Variants in KIFAP3 observed in about 807,000 individuals in gnomAD.
KIFAP3 encodes kinesin-associated protein 3.
A neutral mutation model predicts 106.5 loss-of-function variants in KIFAP3; 68 were observed. The observed-to-expected ratio is 0.64, with a 90% confidence interval of 0.53 to 0.78. The LOEUF is 0.78. Ranked by LOEUF, KIFAP3 falls within the 30% of genes least tolerant of loss-of-function variation. The pLI is 0.00. For synonymous variants in KIFAP3, 320 were observed against 311.5 expected, an observed-to-expected ratio of 1.03 and a Z score of -0.29; for missense variants, 780 against 941.8, an observed-to-expected ratio of 0.83 and a Z score of 2.25.
At chr1:169,926,105 T>C (rs147269383) in intron 19 of KIFAP3, among the ~76,000 whole-genome samples, 190 of 152,344 alleles carry the variant, frequency 1.2e-3, no homozygotes, top group African/African-American at 4.4e-3. Flanking sequence ...TGACAGGGTC[T>C]ATCCAGCTCT....
intron 18 of KIFAP3, among the ~76,000 whole-genome samples, chr1:169,955,978 A>C (rs1664993803): frequency 6.6e-6 from 1 of 152,172 alleles, no homozygotes; most frequent in South Asian, 2.1e-4. Flanking sequence ...CCATATAAAA[A>C]CTTGTGATTT....
intron 17 of KIFAP3, among the ~76,000 whole-genome samples, chr1:169,970,628 T>C (rs952008796): frequency 1.3e-5 from 2 of 152,056 alleles, no homozygotes; most frequent in South Asian, 4.1e-4. Flanking sequence ...TATTATAGAA[T>C]ACAGTCATGC....
At chr1:169,993,390 G>A (rs1667200488) in intron 10 of KIFAP3, among the ~76,000 whole-genome samples, 5 of 151,612 alleles carry the variant, frequency 3.3e-5, no homozygotes, top group Admixed American at 2.6e-4. Context: ...GATTACAGGC[G>A]TGAGCCACCG....
At position 169,966,768 on chromosome 1, in the gene KIFAP3, A is replaced by G. The variant is rs190529243; in HGVS notation, c.1984-5533T>C. 1.8e-3 allele frequency among the ~76,000 whole-genome samples: 276 copies of G among 151,888 alleles called. 1 individual carries two copies. The highest frequency in any genetic ancestry group is 4.0e-3 in the Admixed American group (61 of 15,202). On this transcript the variant is annotated intron_variant, in intron 17 of 19. Transcript: ENST00000361580. ...TAAAAAATTTACAGGCTGAGTATGA[A>G]ATATTATTGAGATATTGGACTTGTG...
chr1:169,960,945 T>TAAAAA, intron 18 of KIFAP3, 101 bp downstream of exon 18: 1 of 803,764 alleles, frequency 1.2e-6, no homozygotes, highest in Non-Finnish European at 1.9e-6. Context: ...ATTCATAAAC[T>TAAAAA]AAAAGAAGTG....
intron 19 of KIFAP3, among the ~76,000 whole-genome samples, chr1:169,922,739 C>T (rs1056969343): frequency 2.4e-4 from 36 of 152,154 alleles, no homozygotes; most frequent in African/African-American, 8.7e-4. Context: ...CAATGGACAC[C>T]ATTTGTAATG....
chr1:169,945,294 C>T (rs113186750), intron 19 of KIFAP3, among the ~76,000 whole-genome samples: 2 of 152,166 alleles, frequency 1.3e-5, no homozygotes, highest in Admixed American at 6.5e-5. Flanking sequence ...CAGGCACTTC[C>T]GAACCTGCAG....
intron 16 of KIFAP3, among the ~76,000 whole-genome samples, chr1:169,974,981 G>A (rs1456442437): frequency 6.6e-6 from 1 of 151,960 alleles, no homozygotes; most frequent in African/African-American, 2.4e-5. Flanking sequence ...TATGGCCTAT[G>A]CTCATCCTCC....
At chr1:169,997,546 T>C (rs1280699363) in intron 10 of KIFAP3, among the ~76,000 whole-genome samples, 1 of 152,030 alleles carries the variant, frequency 6.6e-6, no homozygotes, top group East Asian at 1.9e-4. Flanking sequence ...GCCGAGCCAC[T>C]TACCTTTCTA....
chr1:169,931,029 C>T (rs1393224969), intron 19 of KIFAP3, among the ~76,000 whole-genome samples: 1 of 151,404 alleles, frequency 6.6e-6, no homozygotes, highest in Non-Finnish European at 1.5e-5. Flanking sequence ...AAGTGACTCT[C>T]CTGCCTTAGC....
At chr1:169,994,532 A>G (rs1210994722) in intron 10 of KIFAP3, among the ~76,000 whole-genome samples, 1 of 152,160 alleles carries the variant, frequency 6.6e-6, no homozygotes, top group Non-Finnish European at 1.5e-5. Context: ...ACTGCTTACA[A>G]TAGCAGTAAG....
chr1:170,021,171 T>G (rs17349726), intron 9 of KIFAP3, among the ~76,000 whole-genome samples: 25,130 of 152,108 alleles, frequency 0.17, 2,234 homozygotes, highest in Middle Eastern at 0.22. Flanking sequence ...TCCTCTCTGT[T>G]GTTCCTCTAA....
rs921003255 is a variant in KIFAP3 at position 170,055,207 on chromosome 1, C to T, written c.164+98G>A. 1.1e-5 allele frequency: 11 copies of T among 1,017,504 alleles called. No homozygotes were observed. In the African/African-American group the frequency reaches 1.8e-4, roughly 17 times the overall value. 63.0% of individuals were successfully genotyped at this position (1,017,504 alleles called of 1,614,324 possible). A position where few individuals can be genotyped will look rare whatever the true frequency, so the allele number is the denominator to read the frequency against. On this transcript the variant is annotated intron_variant, in intron 2 of 19. Transcript: ENST00000361580. ...AGATGAAGTATGCCTGGAAGAATGC[C>T]ATAATTAATCACCTATGCTGATCAA...
At chr1:170,041,124 T>C (rs914224138) in intron 3 of KIFAP3, among the ~76,000 whole-genome samples, 3 of 152,006 alleles carry the variant, frequency 2.0e-5, no homozygotes, top group Non-Finnish European at 4.4e-5. Flanking sequence ...CACCCAGCCC[T>C]TTTTGCTTGT....
intron 19 of KIFAP3, among the ~76,000 whole-genome samples, chr1:169,940,138 C>A (rs1011224334): frequency 6.6e-6 from 1 of 152,132 alleles, no homozygotes; most frequent in Non-Finnish European, 1.5e-5. Context: ...AAACTTCTTT[C>A]ATTGTAATAG....
chr1:170,070,557 A>C (rs377214293), intron 1 of KIFAP3, among the ~76,000 whole-genome samples: 2 of 152,234 alleles, frequency 1.3e-5, no homozygotes, highest in South Asian at 2.1e-4. Context: ...AAGAACAGTC[A>C]ATTGTTCTTT....
chr1:170,078,585 T>G (rs1671964858), upstream of KIFAP3, among the ~76,000 whole-genome samples: 1 of 152,178 alleles, frequency 6.6e-6, no homozygotes, highest in African/African-American at 2.4e-5. Context: ...GCAAATACCT[T>G]GAATGATATT....
intron 11 of KIFAP3, among the ~76,000 whole-genome samples, chr1:169,986,652 A>C (rs1666843103): frequency 6.6e-6 from 1 of 152,048 alleles, no homozygotes; most frequent in Admixed American, 6.6e-5. Context: ...TTAAATTACA[A>C]ATTACCAAAA....
intron 10 of KIFAP3, among the ~76,000 whole-genome samples, chr1:170,007,246 T>C (rs1235183717): frequency 6.6e-6 from 1 of 150,858 alleles, no homozygotes; most frequent in African/African-American, 2.4e-5. Context: ...TTCAGTAGTG[T>C]GTAAAACAAT....
Sources: allele counts gnomAD v4.1 joint callset (sites outside exome capture counted in the v4.1 genomes callset), GRCh38; gene constraint gnomAD v4.1.1; transcripts MANE v1.5; gene names NCBI Gene and HGNC (gene_info 2026-07-23, HGNC 2026-07-21).